Variants in BICC1 observed in about 807,000 individuals in gnomAD.
The protein encoded by BICC1 is protein bicaudal C homolog 1.
A neutral mutation model predicts 111.0 loss-of-function variants in BICC1; 43 were observed. That is an observed-to-expected ratio of 0.39 (90% confidence interval 0.30 to 0.50). BICC1 has a LOEUF of 0.50. Ranked by LOEUF, BICC1 falls within the 20% of genes least tolerant of loss-of-function variation. The pLI is 0.88. For missense variants in BICC1, 1,091 were observed against 1,203.2 expected (o/e 0.91, Z 1.38); for synonymous variants, 467 against 434.4 (o/e 1.07, Z -0.93).
Position 58,706,102 on chromosome 10 carries a change from T to A in BICC1, c.307+3959T>A, listed in dbSNP as rs143010552. On this transcript the variant is annotated intron_variant, in intron 3 of 20. Transcript: ENST00000373886. Reference sequence around the variant, plus strand: ...TTAGATTGAGAATACTAGAACAGTCTCCTTTACATTGAAAAATTTGAGGTT... The same window carrying A: ...TTAGATTGAGAATACTAGAACAGTCACCTTTACATTGAAAAATTTGAGGTT... Among the ~76,000 whole-genome samples, 17 of 152,338 alleles carry A rather than the reference T, an allele frequency of 1.1e-4. No homozygotes were observed. In the East Asian group the frequency reaches 3.1e-3, roughly 28 times the overall value.
chr10:58,660,552 C>T (rs935753453), intron 2 of BICC1, among the ~76,000 whole-genome samples: 4 of 151,730 alleles, frequency 2.6e-5, no homozygotes, highest in Admixed American at 1.3e-4. Context: ...ACTTCTAGCC[C>T]GTCTCTTCTC....
At chr10:58,716,048 A>G (rs2132503164) in intron 3 of BICC1, 5 of 1,439,646 alleles carry the variant, frequency 3.5e-6, no homozygotes, top group Non-Finnish European at 3.8e-6. Flanking sequence ...AAGTCAAAAG[A>G]TGGAACTGAG....
In BICC1 at chr10:58,671,957, T is replaced by C. The variant is rs573318504; in HGVS notation, c.238-30117T>C. Among the ~76,000 whole-genome samples, 10 of 152,300 alleles carry C rather than the reference T, an allele frequency of 6.6e-5. No homozygotes were observed. The East Asian group carries it at 1.9e-3, about 29-fold the overall frequency. ...ACAGCCTCGAGTTTTTCATTTGTCGTCTATGACTTTGTTGTTGTCTACCAC... is the reference window on the plus strand; with the variant it reads ...ACAGCCTCGAGTTTTTCATTTGTCGCCTATGACTTTGTTGTTGTCTACCAC... On this transcript the variant is annotated intron_variant, in intron 2 of 20. Coordinates refer to ENST00000373886, the MANE Select transcript of BICC1 (RefSeq NM_001080512.3).
chr10:58,662,767 GATAAT>G (rs1283394283), intron 2 of BICC1, among the ~76,000 whole-genome samples: 4 of 152,166 alleles, frequency 2.6e-5, no homozygotes, highest in African/African-American at 9.7e-5. Context: ...ACTATCATGA[GATAAT>G]ATAGGAGATT....
chr10:58,784,472 T>C (rs575186506), intron 3 of BICC1, among the ~76,000 whole-genome samples: 16 of 152,350 alleles, frequency 1.1e-4, no homozygotes, highest in Admixed American at 6.5e-4. Context: ...AATGAAGTTA[T>C]TGCATAAAGT....
At position 58,582,395 on chromosome 10, in the gene BICC1, C is replaced by T. The variant is rs549935219; in HGVS notation, c.191-38460C>T. On this transcript the variant is annotated intron_variant, in intron 1 of 20. Transcript: ENST00000373886. ...AGTATTTCCTTTGAGGGAGGCTGAGCATAAATGAATACCTTTAACTATCAG... is the reference window on the plus strand; with the variant it reads ...AGTATTTCCTTTGAGGGAGGCTGAGTATAAATGAATACCTTTAACTATCAG... Among the ~76,000 whole-genome samples, 31 of 152,278 alleles carry T rather than the reference C, an allele frequency of 2.0e-4. No homozygotes were observed. In the South Asian group the frequency reaches 6.2e-3, roughly 31 times the overall value.
chr10:58,808,265 A>AC (rs2132911395), intron 17 of BICC1, among the ~76,000 whole-genome samples: 1 of 152,152 alleles, frequency 6.6e-6, no homozygotes, highest in South Asian at 2.1e-4. Flanking sequence ...TAGGAGGTAC[A>AC]CTCTTCTTTC....
intron 20 of BICC1, among the ~76,000 whole-genome samples, chr10:58,826,598 A>AT (rs71006208): frequency 3.6e-4 from 55 of 152,152 alleles, no homozygotes; most frequent in South Asian, 1.0e-3. Context: ...AAAAATACAA[A>AT]ACAAAAAAAA....
intron 1 of BICC1, among the ~76,000 whole-genome samples, chr10:58,577,721 A>G (rs1165923956): frequency 6.6e-6 from 1 of 152,232 alleles, no homozygotes; most frequent in Non-Finnish European, 1.5e-5. Flanking sequence ...TTGAAAATAT[A>G]CATACCTGAA....
chr10:58,629,403 C>T (rs1837728469), intron 2 of BICC1, among the ~76,000 whole-genome samples: 2 of 151,796 alleles, frequency 1.3e-5, no homozygotes, highest in South Asian at 4.2e-4. Flanking sequence ...ACTATTAATA[C>T]AAGATAAATG....
rs568479894 is a variant in BICC1 at position 58,701,377 on chromosome 10, T to C, written c.238-697T>C. On this transcript the variant is annotated intron_variant, in intron 2 of 20. Coordinates refer to ENST00000373886, the MANE Select transcript of BICC1 (RefSeq NM_001080512.3). The stretch of plus-strand genomic sequence containing the variant: ...TTTTAAATCCTGTTCTTTTCTTATT[T>C]ACCGTCCATTTCCGTTGCTGGGCAG... Among the ~76,000 whole-genome samples the C allele has an allele frequency of 7.9e-5, 12 of 152,274 alleles. No homozygotes were observed. The South Asian group carries it at 2.5e-3, about 32-fold the overall frequency.
At chr10:58,773,003 G>T (rs946178964) in intron 3 of BICC1, among the ~76,000 whole-genome samples, 4 of 152,154 alleles carry the variant, frequency 2.6e-5, no homozygotes, top group Admixed American at 6.5e-5. Flanking sequence ...AAGAACATTT[G>T]AAGGTGCCAA....
chr10:58,740,459 A>G (rs1053839901), intron 3 of BICC1, among the ~76,000 whole-genome samples: 1 of 152,184 alleles, frequency 6.6e-6, no homozygotes, highest in Non-Finnish European at 1.5e-5. Context: ...ATTCATTTGG[A>G]TAAATCAAAT....
At chr10:58,572,628 G>A (rs1396671905) in intron 1 of BICC1, among the ~76,000 whole-genome samples, 1 of 152,076 alleles carries the variant, frequency 6.6e-6, no homozygotes, top group Non-Finnish European at 1.5e-5. Flanking sequence ...AAATATGCAT[G>A]AAATTGAAAA....
chr10:58,666,404 G>A (rs936254828), intron 2 of BICC1, among the ~76,000 whole-genome samples: 1 of 152,154 alleles, frequency 6.6e-6, no homozygotes, highest in African/African-American at 2.4e-5. Context: ...CATCTATAAG[G>A]ACTCAAATAT....
chr10:58,599,093 A>AAGG (rs1844935364), intron 1 of BICC1, among the ~76,000 whole-genome samples: 1 of 152,168 alleles, frequency 6.6e-6, no homozygotes, highest in Non-Finnish European at 1.5e-5. Flanking sequence ...ACAGTGTAGC[A>AAGG]ATTCCTCAAG....
At chr10:58,607,514 C>T (rs1431315352) in intron 1 of BICC1, among the ~76,000 whole-genome samples, 2 of 151,886 alleles carry the variant, frequency 1.3e-5, no homozygotes, top group Non-Finnish European at 2.9e-5. Flanking sequence ...CCTCTCTTCT[C>T]TTTCCCTTGC....
chr10:58,684,316 G>A (rs1218753405), intron 2 of BICC1, among the ~76,000 whole-genome samples: 2 of 152,212 alleles, frequency 1.3e-5, no homozygotes, highest in Non-Finnish European at 2.9e-5. Context: ...TGTCATCAGG[G>A]ATATTGGTCT....
chr10:58,567,835 A>G (rs561241590), intron 1 of BICC1, among the ~76,000 whole-genome samples: 83 of 152,210 alleles, frequency 5.5e-4, no homozygotes, highest in African/African-American at 1.9e-3. Context: ...GAAGGCAGTG[A>G]CGTCATCTGA....
Sources: allele counts gnomAD v4.1 joint callset (sites outside exome capture counted in the v4.1 genomes callset), GRCh38; gene constraint gnomAD v4.1.1; transcripts MANE v1.5; gene names NCBI Gene and HGNC (gene_info 2026-07-23, HGNC 2026-07-21).